CWH43: variants seen among roughly 807,000 people sequenced by gnomAD.
CWH43 encodes cell wall biogenesis 43 C-terminal homolog.
CWH43 carries 91 observed loss-of-function variants against 85.7 expected under a neutral mutation model. The ratio of observed to expected loss-of-function variants is 1.06; its 90% CI spans 0.90 to 1.26. The LOEUF (loss-of-function observed/expected upper bound fraction) is 1.26, where lower values mean the gene tolerates loss of function less well. CWH43 is among the 50% of genes most tolerant of loss of function. The probability of loss-of-function intolerance (pLI) is 0.00; values close to 1 mark genes in which losing one functional copy is unlikely to be tolerated. For synonymous variants in CWH43, 323 were observed against 293.6 expected, an observed-to-expected ratio of 1.10 and a Z score of -1.02; for missense variants, 869 against 839.2, an observed-to-expected ratio of 1.04 and a Z score of -0.44.
intron 8 of CWH43, among the ~76,000 whole-genome samples, chr4:49,015,632 T>C (rs2109781281): frequency 2.0e-5 from 3 of 152,248 alleles, no homozygotes; most frequent in African/African-American, 7.2e-5. Context: ...AAATATTGCT[T>C]CTTTCCCATT....
Position 49,037,928 on chromosome 4 carries a change from C to T in CWH43, c.1659-108C>T, listed in dbSNP as rs1169198234. ...GACAGTTGCCCGAGTAGGAATGACT[C>T]TGGGCTTCTTCACTATATGCAGATA... On this transcript the variant is annotated intron_variant, in intron 12 of 15. Coordinates refer to ENST00000226432, the MANE Select transcript of CWH43 (RefSeq NM_025087.3). The T allele has an allele frequency of 3.3e-5, 29 of 867,904 alleles. No homozygotes were observed. In the Middle Eastern group the frequency reaches 9.6e-4, roughly 29 times the overall value. The allele number at this position is 867,904 out of a possible 1,614,324, so 53.8% of individuals were successfully genotyped here.
intron 9 of CWH43, among the ~76,000 whole-genome samples, chr4:49,018,504 G>A (rs1783634143): frequency 1.3e-5 from 2 of 152,116 alleles, no homozygotes; most frequent in African/African-American, 4.8e-5. Context: ...GCACATTATG[G>A]GTAGCTTATG....
chr4:49,021,069 T>C (rs766396939), intron 9 of CWH43, among the ~76,000 whole-genome samples: 2 of 152,164 alleles, frequency 1.3e-5, no homozygotes, highest in Non-Finnish European at 2.9e-5. Flanking sequence ...TTAAGCTCCA[T>C]CTATTTATCT....
At chr4:49,061,559 AAG>A (rs1279806033) in intron 15 of CWH43, among the ~76,000 whole-genome samples, 1 of 152,202 alleles carries the variant, frequency 6.6e-6, no homozygotes, top group Non-Finnish European at 1.5e-5. Context: ...CTCAAGATGA[AAG>A]AGAAAATCTG....
At chr4:49,008,377 C>G (rs1783238936) in intron 8 of CWH43, among the ~76,000 whole-genome samples, 1 of 150,506 alleles carries the variant, frequency 6.6e-6, no homozygotes, top group African/African-American at 2.4e-5. Context: ...GGATATTAGC[C>G]CTTTGTCACA....
At chr4:49,032,856 A>C (rs1239845746) in intron 12 of CWH43, 141 bp downstream of exon 12, 2 of 1,074,492 alleles carry the variant, frequency 1.9e-6, no homozygotes, top group African/African-American at 1.6e-5. Context: ...GCTGGTTTTA[A>C]AAATCAGACA....
At chr4:49,007,941 T>C (rs1216630286) in intron 8 of CWH43, among the ~76,000 whole-genome samples, 1 of 152,232 alleles carries the variant, frequency 6.6e-6, no homozygotes, top group East Asian at 1.9e-4. Context: ...TACGTGTGCA[T>C]GTATCTTTAT....
intron 8 of CWH43, among the ~76,000 whole-genome samples, chr4:49,013,267 C>T (rs948681589): frequency 6.6e-6 from 1 of 152,384 alleles, no homozygotes; most frequent in African/African-American, 2.4e-5. Flanking sequence ...TAGCAGTGAG[C>T]AAGGCTCCCT....
intron 13 of CWH43, 79 bp from the exon 14 acceptor site, chr4:49,044,707 A>G (rs1367121265): frequency 8.7e-6 from 9 of 1,032,150 alleles, no homozygotes; most frequent in South Asian, 2.7e-5. Flanking sequence ...TTTATCATGT[A>G]GCTCACACAT....
At chr4:49,040,874 T>C (rs1209014087) in intron 13 of CWH43, among the ~76,000 whole-genome samples, 1 of 152,236 alleles carries the variant, frequency 6.6e-6, no homozygotes, top group African/African-American at 2.4e-5. Flanking sequence ...TTTATGGTTT[T>C]AGGTCTAACA....
At chr4:49,002,655 G>A (rs1783026634) in intron 6 of CWH43, among the ~76,000 whole-genome samples, 1 of 152,136 alleles carries the variant, frequency 6.6e-6, no homozygotes, top group Non-Finnish European at 1.5e-5. Context: ...GAGAATCTAG[G>A]TATTTGAAAT....
At chr4:49,030,088 G>GC (rs1023654824) in intron 10 of CWH43, among the ~76,000 whole-genome samples, 3 of 152,164 alleles carry the variant, frequency 2.0e-5, no homozygotes, top group Non-Finnish European at 2.9e-5. Context: ...GGAGGGGCTG[G>GC]CCCCCTTCAT....
chr4:49,041,313 G>T (rs1359998134), intron 13 of CWH43, among the ~76,000 whole-genome samples: 1 of 152,158 alleles, frequency 6.6e-6, no homozygotes, highest in African/African-American at 2.4e-5. Context: ...GGATGACATT[G>T]AATGTATAAA....
At chr4:49,019,455 T>C (rs1021738381) in intron 9 of CWH43, among the ~76,000 whole-genome samples, 1 of 152,128 alleles carries the variant, frequency 6.6e-6, no homozygotes, top group Non-Finnish European at 1.5e-5. Flanking sequence ...TGAAGAGTAG[T>C]AGAAGATGAC....
At chr4:49,050,185 T>C (rs1185789925) in intron 14 of CWH43, among the ~76,000 whole-genome samples, 1 of 152,248 alleles carries the variant, frequency 6.6e-6, no homozygotes, top group Non-Finnish European at 1.5e-5. Flanking sequence ...AAGAACTCTT[T>C]GCATAATGTC....
intron 8 of CWH43, among the ~76,000 whole-genome samples, chr4:49,013,653 C>A (rs1165732677): frequency 6.6e-6 from 1 of 152,022 alleles, no homozygotes; most frequent in South Asian, 2.1e-4. Flanking sequence ...TACTTTAAAG[C>A]AAATCTCTGA....
chr4:49,013,569 T>C (rs1236205231), intron 8 of CWH43, among the ~76,000 whole-genome samples: 1 of 152,252 alleles, frequency 6.6e-6, no homozygotes, highest in Non-Finnish European at 1.5e-5. Flanking sequence ...GCCTGTCTTC[T>C]GTGTCGATCA....
intron 6 of CWH43, among the ~76,000 whole-genome samples, chr4:48,998,805 A>G (rs1436701638): frequency 6.6e-6 from 1 of 152,146 alleles, no homozygotes; most frequent in Non-Finnish European, 1.5e-5. Context: ...ACACTGCCAT[A>G]ATACTACCTA....
chr4:49,015,032 A>G (rs1406349146), intron 8 of CWH43, among the ~76,000 whole-genome samples: 1 of 152,066 alleles, frequency 6.6e-6, no homozygotes, highest in African/African-American at 2.4e-5. Context: ...GCCTCACCTA[A>G]TCATCGATTC....
Sources: allele counts gnomAD v4.1 joint callset (sites outside exome capture counted in the v4.1 genomes callset), GRCh38; gene constraint gnomAD v4.1.1; transcripts MANE v1.5; gene names NCBI Gene and HGNC (gene_info 2026-07-23, HGNC 2026-07-21).